Variants in ZFP1 observed in about 807,000 individuals in gnomAD.
ZFP1 encodes ZFP1 zinc finger protein.
Under a neutral mutation model 38.5 loss-of-function variants are expected in ZFP1, and 32 were observed. The observed-to-expected ratio is 0.83, with a 90% CI of 0.63 to 1.12. The LOEUF is 1.12. Ranked by LOEUF, ZFP1 falls within the 50% of genes most tolerant of loss-of-function variation. ZFP1 has a pLI of 0.00. For synonymous variants in ZFP1, 245 were observed against 168.8 expected (o/e 1.45, Z -3.50); for missense variants, 616 against 480.8 (o/e 1.28, Z -2.63).
At chr16:75,149,833 TCTCA>T (rs752117171) in intron 1 of ZFP1, among the ~76,000 whole-genome samples, 5 of 152,112 alleles carry the variant, frequency 3.3e-5, no homozygotes, top group Non-Finnish European at 5.9e-5. Context: ...TGAGACTGAG[TCTCA>T]CTCTGTCACC....
chr16:75,168,680 G>T (rs1040842862), intron 3 of ZFP1, among the ~76,000 whole-genome samples: 2 of 152,146 alleles, frequency 1.3e-5, no homozygotes, highest in Non-Finnish European at 2.9e-5. Flanking sequence ...CTGCTATCTG[G>T]TTGTCACTGC....
Position 75,169,575 on chromosome 16 carries a change from T to C in ZFP1, c.465T>C (p.Tyr155=). 1.9e-6 allele frequency: 3 copies of C among 1,601,378 alleles called. No homozygotes were observed. Among genetic ancestry groups the C allele is most frequent in the Non-Finnish European group, 2.5e-6 (3 of 1,177,122 alleles). The change falls in exon 4 of 4, where the codon TAT becomes TAC. Residue 155 remains tyrosine (Y), a synonymous_variant. Transcript: ENST00000570010. ...AGAAAACCCACAGTGGAGTAGAATATTCTGAATACAATAAAAGTGGAAAAG... is the reference window on the plus strand; with the variant it reads ...AGAAAACCCACAGTGGAGTAGAATACTCTGAATACAATAAAAGTGGAAAAG... ...KQEKTHSGVE[Y]SEYNKSGKAL...
intron 2 of ZFP1, chr16:75,166,566 G>A (rs2038093906): frequency 3.0e-6 from 3 of 985,218 alleles, no homozygotes; most frequent in Non-Finnish European, 3.6e-6. Context: ...TATCAAATAT[G>A]ACAGTGCCAG....
At position 75,167,035 on chromosome 16, in the gene ZFP1, C is replaced by T. The variant is rs935076443; in HGVS notation, c.142+139C>T. 1.5e-5 allele frequency: 21 copies of T among 1,440,772 alleles called. No individual in the cohort carries two copies. In the African/African-American group the frequency reaches 2.7e-4, roughly 19 times the overall value. 89.2% of individuals were successfully genotyped at this position (1,440,772 alleles called of 1,614,324 possible). A position where few individuals can be genotyped will look rare whatever the true frequency, so the allele number is the denominator to read the frequency against. On this transcript the variant is annotated intron_variant, in intron 3 of 3. Coordinates refer to ENST00000570010, the MANE Select transcript of ZFP1 (RefSeq NM_153688.4). ...GTATTAAACCTGAGAGATCTTGCAG[C>T]CTTTAAAGCTCTATCATCTCCTTTC...
chr16:75,122,072 T>C, the ZFP1 span, among the ~76,000 whole-genome samples: 1 of 152,184 alleles, frequency 6.6e-6, no homozygotes, highest in African/African-American at 2.4e-5. Context: ...CACAAAGAAA[T>C]AGCACTCAAA....
intron 2 of ZFP1, chr16:75,157,243 T>TG (rs2037514722): frequency 8.2e-5 from 7 of 85,198 alleles, no homozygotes; most frequent in Non-Finnish European, 1.4e-4. Context: ...TCTGAAAATG[T>TG]CTTTTTTTTT....
chr16:75,137,916 T>A, the ZFP1 span, among the ~76,000 whole-genome samples: 7 of 151,650 alleles, frequency 4.6e-5, no homozygotes, highest in Non-Finnish European at 4.4e-5. Flanking sequence ...AAATAAATGA[T>A]TGAATACATT....
the ZFP1 span, among the ~76,000 whole-genome samples, chr16:75,139,876 T>C: frequency 6.6e-6 from 1 of 152,332 alleles, no homozygotes; most frequent in South Asian, 2.1e-4. Context: ...GTGGGGATAG[T>C]TGCGCGATAT....
the ZFP1 span, among the ~76,000 whole-genome samples, chr16:75,133,054 CACA>C: frequency 6.6e-6 from 1 of 151,836 alleles, no homozygotes; most frequent in African/African-American, 2.4e-5. Context: ...CTTGGCTCAC[CACA>C]ACCTCTACCT....
the ZFP1 span, among the ~76,000 whole-genome samples, chr16:75,138,574 G>A: frequency 3.9e-5 from 6 of 152,200 alleles, no homozygotes; most frequent in African/African-American, 1.4e-4. Context: ...TTTGCAAATA[G>A]TGATTGCAGA....
chr16:75,125,598 C>T, the ZFP1 span, among the ~76,000 whole-genome samples: 5 of 152,106 alleles, frequency 3.3e-5, no homozygotes, highest in African/African-American at 1.2e-4. Context: ...GCTGGGATTA[C>T]AGGCCTGAGC....
chr16:75,151,148 T>A (rs1408877547), intron 1 of ZFP1, among the ~76,000 whole-genome samples: 2 of 152,122 alleles, frequency 1.3e-5, no homozygotes, highest in Non-Finnish European at 2.9e-5. Context: ...CATGAGCTAC[T>A]GTGCCTGACC....
intron 2 of ZFP1, among the ~76,000 whole-genome samples, chr16:75,164,622 A>G (rs191673870): frequency 6.6e-6 from 1 of 152,262 alleles, no homozygotes; most frequent in Admixed American, 6.5e-5. Flanking sequence ...ACTAGTCATC[A>G]TTCTAGATCG....
At chr16:75,119,554 G>C in the ZFP1 span, 1 of 152,162 alleles carries the variant, frequency 6.6e-6, no homozygotes, top group African/African-American at 2.4e-5. Flanking sequence ...ATGGTAGAGA[G>C]CAGTCTTCAG....
chr16:75,144,824 CT>C (rs953257771), upstream of ZFP1, among the ~76,000 whole-genome samples: 1 of 152,080 alleles, frequency 6.6e-6, no homozygotes, highest in African/African-American at 2.4e-5. Context: ...TGCCTTCTTT[CT>C]TTTTTTCTTT....
chr16:75,134,783 C>A, the ZFP1 span, among the ~76,000 whole-genome samples: 1 of 151,154 alleles, frequency 6.6e-6, no homozygotes, highest in African/African-American at 2.4e-5. Context: ...CCTGTCTGGG[C>A]GTGGTGGTTC....
chr16:75,132,391 T>A, the ZFP1 span: 1 of 141,506 alleles, frequency 7.1e-6, no homozygotes, highest in Admixed American at 7.1e-5. Context: ...AAAAAAAAAA[T>A]GAAGCAGGGT....
the ZFP1 span, among the ~76,000 whole-genome samples, chr16:75,123,455 G>GTATATATATATATA: frequency 5.7e-5 from 5 of 87,284 alleles, no homozygotes; most frequent in East Asian, 6.6e-4. Flanking sequence ...GTGTGTATAT[G>GTATATATATATATA]TATATATATA....
chr16:75,130,876 C>T, the ZFP1 span, among the ~76,000 whole-genome samples: 1 of 151,798 alleles, frequency 6.6e-6, no homozygotes, highest in African/African-American at 2.4e-5. Flanking sequence ...GCCTAAAACG[C>T]TTCAGTGGCT....
Sources: allele counts gnomAD v4.1 joint callset (sites outside exome capture counted in the v4.1 genomes callset), GRCh38; gene constraint gnomAD v4.1.1; transcripts MANE v1.5; gene names NCBI Gene and HGNC (gene_info 2026-07-23, HGNC 2026-07-21).